DCX: variants seen among roughly 807,000 people sequenced by gnomAD.
The protein encoded by DCX is neuronal migration protein doublecortin.
Under a neutral mutation model 20.9 loss-of-function variants are expected in DCX, and 4 were observed. The ratio of observed to expected loss-of-function variants is 0.19; its 90% CI spans 0.09 to 0.44. DCX has a LOEUF of 0.44. Among genes scored for constraint, DCX ranks in the 20% least tolerant of loss-of-function variants. The probability of loss-of-function intolerance (pLI) is 0.99; values close to 1 mark genes in which losing one functional copy is unlikely to be tolerated. For missense variants in DCX, 133 were observed against 296.9 expected (o/e 0.45, Z 4.06); for synonymous variants, 103 against 111.4 (o/e 0.92, Z 0.47).
In DCX at chrX:111,296,427, G is replaced by T. The variant is rs2095020908; in HGVS notation, c.*5260C>A. The T allele has an allele frequency of 9.0e-6, 1 of 111,306 alleles. No homozygotes were observed. Among genetic ancestry groups the T allele is most frequent in the Non-Finnish European group, 1.9e-5 (1 of 53,118 alleles). The allele number at this position is 111,306 out of a possible 1,213,427, so 9.2% of individuals were successfully genotyped here. On this transcript the variant is annotated 3_prime_UTR_variant, in exon 7 of 7. Transcript: ENST00000636035. ...GAAAAAATCACCTCTGATTCCAGAA[G>T]ATGTTGAAGCCAATAAACCAAGGGA...
At chrX:111,410,703 A>C (rs1376200484) in intron 1 of DCX, 4 of 1,142,840 alleles carry the variant, frequency 3.5e-6, no homozygotes, top group Non-Finnish European at 2.4e-6. Context: ...GCACTGTTCC[A>C]GACAGAGGAG....
Position 111,301,522 on chromosome X carries a change from C to G in DCX, c.*165G>C. On this transcript the variant is annotated 3_prime_UTR_variant, in exon 7 of 7. Coordinates refer to ENST00000636035, the MANE Select transcript of DCX (RefSeq NM_001195553.2). ...GATCAGTGGCCCAGAGGAGAAATCA[C>G]AGGAAAATAAACCCAACATATTACA... is the stretch of plus-strand genomic sequence containing the variant. The G allele has an allele frequency of 1.8e-6, 1 of 554,423 alleles. No individual in the cohort carries two copies. The highest frequency in any genetic ancestry group is 3.2e-6 in the Non-Finnish European group (1 of 312,522). 45.7% of individuals were successfully genotyped at this position (554,423 alleles called of 1,213,427 possible).
intron 3 of DCX, among the ~76,000 whole-genome samples, chrX:111,396,652 T>C (rs1981308030): frequency 1.8e-5 from 2 of 112,346 alleles, no homozygotes; most frequent in Admixed American, 1.9e-4. Context: ...TGCATGAAAG[T>C]CAATGTGTAC....
intron 3 of DCX, among the ~76,000 whole-genome samples, chrX:111,374,712 G>C (rs1044337299): frequency 9.1e-6 from 1 of 110,050 alleles, no homozygotes; most frequent in Admixed American, 9.8e-5. Context: ...ATACCCTGTG[G>C]TGGCCACAGC....
At chrX:111,330,794 G>A in intron 5 of DCX, 110 bp downstream of exon 5, 1 of 1,068,439 alleles carries the variant, frequency 9.4e-7, no homozygotes, top group Non-Finnish European at 1.3e-6. Flanking sequence ...GATAGAATAG[G>A]GTTTCATGGA....
intron 2 of DCX, among the ~76,000 whole-genome samples, chrX:111,403,430 A>T (rs1323133281): frequency 8.9e-6 from 1 of 111,782 alleles, no homozygotes; most frequent in Non-Finnish European, 1.9e-5. Flanking sequence ...CCGTCTCCAG[A>T]TGAAAATGAA....
chrX:111,370,996 C>T (rs768145598), intron 3 of DCX, among the ~76,000 whole-genome samples: 2 of 111,686 alleles, frequency 1.8e-5, no homozygotes, highest in East Asian at 5.6e-4. Flanking sequence ...TCCCTCTAAC[C>T]ACCCCTCTAT....
At chrX:111,354,130 G>A (rs1031775893) in intron 3 of DCX, among the ~76,000 whole-genome samples, 1 of 111,863 alleles carries the variant, frequency 8.9e-6, no homozygotes, top group African/African-American at 3.3e-5. Flanking sequence ...ATTCATGCTA[G>A]AATGTTCAGT....
chrX:111,346,101 A>C (rs1244745291), intron 3 of DCX, among the ~76,000 whole-genome samples: 1 of 107,747 alleles, frequency 9.3e-6, no homozygotes, highest in African/African-American at 3.4e-5. Context: ...TTTTTCTTGT[A>C]AATTTGTTTA....
intron 3 of DCX, among the ~76,000 whole-genome samples, chrX:111,397,009 C>T (rs980265301): frequency 5.4e-5 from 6 of 111,206 alleles, no homozygotes; most frequent in Non-Finnish European, 1.1e-4. Context: ...AACATAAGCC[C>T]TAGAAAGATC....
chrX:111,365,628 C>G (rs946525355), intron 3 of DCX, among the ~76,000 whole-genome samples: 1 of 109,179 alleles, frequency 9.2e-6, no homozygotes, highest in Non-Finnish European at 1.9e-5. Context: ...TCCAGTCCCC[C>G]ACTACCCTTA....
chrX:111,299,738 CA>C lies in DCX; in HGVS notation c.*1948del, dbSNP rs1362594680. 9.0e-6 allele frequency: 1 copy of C among 111,379 alleles called. No homozygotes were observed. Among genetic ancestry groups the C allele is most frequent in the Non-Finnish European group, 1.9e-5 (1 of 53,072 alleles). 9.2% of individuals were successfully genotyped at this position (111,379 alleles called of 1,213,427 possible). ...GGGTCTACAAAAAAAGGAGAGGGGG[CA>C]AAAAGAGATCCTCATCATTTGGGGT... On this transcript the variant is annotated 3_prime_UTR_variant, in exon 7 of 7. Coordinates refer to ENST00000636035, the MANE Select transcript of DCX (RefSeq NM_001195553.2).
intron 3 of DCX, among the ~76,000 whole-genome samples, chrX:111,373,779 T>A (rs186291290): frequency 8.9e-6 from 1 of 111,897 alleles, no homozygotes; most frequent in Admixed American, 9.5e-5. Context: ...AACAGCCATA[T>A]CTTATTATCA....
rs559997251 is a variant in DCX, at chrX:111,298,950, TTG to T, written c.*2735_*2736del. ...GAGGTAGGAACAAGCAAGAGATGGA[TTG>T]TGTGTGTGTGTGTGTGTGTGTGTGT... is the stretch of plus-strand genomic sequence containing the variant. On this transcript the variant is annotated 3_prime_UTR_variant, in exon 7 of 7. Transcript: ENST00000636035. 4.2e-4 allele frequency: 43 copies of T among 103,388 alleles called. No homozygotes were observed. The highest frequency in any genetic ancestry group is 4.3e-4 in the South Asian group (1 of 2,315). 8.5% of individuals were successfully genotyped at this position (103,388 alleles called of 1,213,427 possible).
chrX:111,343,702 C>T (rs1922514218), intron 3 of DCX, among the ~76,000 whole-genome samples: 1 of 111,864 alleles, frequency 8.9e-6, no homozygotes, highest in Admixed American at 9.4e-5. Context: ...TACTGGCAGG[C>T]TGGGTGCGGC....
chrX:111,347,649 C>T (rs150527063), intron 3 of DCX, among the ~76,000 whole-genome samples: 58 of 111,615 alleles, frequency 5.2e-4, no homozygotes, highest in East Asian at 2.0e-3. Context: ...TTGAGACTGA[C>T]GCCCGTCTGA....
intron 3 of DCX, among the ~76,000 whole-genome samples, chrX:111,335,880 G>T (rs1379937002): frequency 9.2e-6 from 1 of 108,850 alleles, no homozygotes; most frequent in East Asian, 2.9e-4. Flanking sequence ...CTCGAACCTG[G>T]GAGGCGGAGA....
intron 2 of DCX, among the ~76,000 whole-genome samples, chrX:111,405,318 T>G (rs1267520926): frequency 8.9e-6 from 1 of 112,485 alleles, no homozygotes; most frequent in African/African-American, 3.2e-5. Context: ...GACATTTGAT[T>G]ATCATATCTA....
intron 3 of DCX, among the ~76,000 whole-genome samples, chrX:111,388,756 T>C (rs753576600): frequency 1.8e-4 from 20 of 112,390 alleles, no homozygotes; most frequent in African/African-American, 5.5e-4. Flanking sequence ...GTTAGAGCCT[T>C]ACCAACTAAA....
Sources: allele counts gnomAD v4.1 joint callset (sites outside exome capture counted in the v4.1 genomes callset), GRCh38; gene constraint gnomAD v4.1.1; transcripts MANE v1.5; gene names NCBI Gene and HGNC (gene_info 2026-07-23, HGNC 2026-07-21).